Variants in GALNT13 observed in about 807,000 individuals in gnomAD.
GALNT13 encodes UDP-GalNAc:polypeptide N-acetylgalactosaminyltransferase 13.
In GALNT13, 28 loss-of-function variants were observed where a neutral mutation model predicts 64.2. The observed-to-expected ratio is 0.44, with a 90% CI of 0.32 to 0.60. The LOEUF is 0.60. Among genes scored for constraint, GALNT13 ranks in the 20% least tolerant of loss-of-function variants. GALNT13 has a pLI of 0.05. For synonymous variants in GALNT13, 214 were observed against 224.6 expected (o/e 0.95, Z 0.42); for missense variants, 577 against 669.8 (o/e 0.86, Z 1.53).
chr2:154,161,158 T>C (rs964194563), intron 4 of GALNT13, among the ~76,000 whole-genome samples: 20 of 152,176 alleles, frequency 1.3e-4, no homozygotes, highest in Admixed American at 3.3e-4. Flanking sequence ...GAAATATGCA[T>C]GCGATAAGGA....
At chr2:154,364,913 C>T (rs931566673) in intron 9 of GALNT13, among the ~76,000 whole-genome samples, 2 of 152,260 alleles carry the variant, frequency 1.3e-5, no homozygotes, top group Non-Finnish European at 2.9e-5. Context: ...TCAAGTGATT[C>T]GCCCGCCTCG....
At chr2:153,716,313 G>A in the GALNT13 span, among the ~76,000 whole-genome samples, 2 of 152,192 alleles carry the variant, frequency 1.3e-5, no homozygotes, top group Admixed American at 1.3e-4. Flanking sequence ...AAACAAATTT[G>A]TAAACTTTCT....
the GALNT13 span, among the ~76,000 whole-genome samples, chr2:153,070,728 G>C: frequency 6.6e-6 from 1 of 152,146 alleles, no homozygotes; most frequent in Non-Finnish European, 1.5e-5. Context: ...GCTCTTCTCT[G>C]CAACAGGCTT....
chr2:154,242,645 T>C, intron 5 of GALNT13, 53 bp from the exon 6 acceptor site: 1 of 1,206,590 alleles, frequency 8.3e-7, no homozygotes, highest in Non-Finnish European at 1.2e-6. Context: ...ATCTCTGCTA[T>C]TTCTTAAAAC....
chr2:153,956,963 T>C (rs1267601909), intron 3 of GALNT13, among the ~76,000 whole-genome samples: 1 of 152,174 alleles, frequency 6.6e-6, no homozygotes, highest in Non-Finnish European at 1.5e-5. Context: ...TTTAAAGCCA[T>C]TTTAACCATT....
chr2:153,858,699 A>C, the GALNT13 span, among the ~76,000 whole-genome samples: 1 of 151,910 alleles, frequency 6.6e-6, no homozygotes, highest in Non-Finnish European at 1.5e-5. Context: ...GTATAGAAAA[A>C]ACCTAGTTTA....
At chr2:153,811,757 C>T in the GALNT13 span, among the ~76,000 whole-genome samples, 1 of 152,072 alleles carries the variant, frequency 6.6e-6, no homozygotes, top group Non-Finnish European at 1.5e-5. Context: ...TTAATATATG[C>T]AGAATGATTC....
the GALNT13 span, among the ~76,000 whole-genome samples, chr2:153,617,351 T>C: frequency 2.6e-5 from 4 of 152,034 alleles, no homozygotes; most frequent in Non-Finnish European, 5.9e-5. Flanking sequence ...TCTGTTGATA[T>C]GATGTATTAC....
chr2:153,685,410 T>A, the GALNT13 span, among the ~76,000 whole-genome samples: 2 of 152,242 alleles, frequency 1.3e-5, no homozygotes, highest in East Asian at 3.9e-4. Context: ...ATTTCTCTAA[T>A]GATCAGTGAA....
intron 7 of GALNT13, among the ~76,000 whole-genome samples, chr2:154,250,469 G>A (rs1473894563): frequency 6.6e-6 from 1 of 151,826 alleles, no homozygotes; most frequent in East Asian, 1.9e-4. Context: ...TCAAGAGTTT[G>A]TTTGCACTTC....
chr2:154,005,512 C>T (rs1041904346), intron 3 of GALNT13, among the ~76,000 whole-genome samples: 2 of 152,038 alleles, frequency 1.3e-5, no homozygotes, highest in African/African-American at 4.8e-5. Context: ...GAATTTATGG[C>T]CCCAAACCAT....
At chr2:154,072,132 A>T (rs1700768530) in intron 3 of GALNT13, among the ~76,000 whole-genome samples, 1 of 152,148 alleles carries the variant, frequency 6.6e-6, no homozygotes, top group African/African-American at 2.4e-5. Context: ...AACATGGAAA[A>T]GTGGCTAAAT....
the GALNT13 span, among the ~76,000 whole-genome samples, chr2:153,238,216 A>T: frequency 1.3e-5 from 2 of 152,086 alleles, no homozygotes; most frequent in Non-Finnish European, 2.9e-5. Flanking sequence ...AGCTCCTTAT[A>T]TATTCTGACT....
At chr2:153,100,640 AATATTT>A in the GALNT13 span, among the ~76,000 whole-genome samples, 1 of 152,156 alleles carries the variant, frequency 6.6e-6, no homozygotes, top group African/African-American at 2.4e-5. Flanking sequence ...TTTGACCTTA[AATATTT>A]ATGTAAGTAT....
chr2:153,110,004 A>T, the GALNT13 span, among the ~76,000 whole-genome samples: 1 of 152,128 alleles, frequency 6.6e-6, no homozygotes, highest in South Asian at 2.1e-4. Context: ...GGTTAAATGT[A>T]CATCTGTTTT....
At chr2:153,932,630 T>C (rs1327554875) in intron 2 of GALNT13, among the ~76,000 whole-genome samples, 1 of 142,858 alleles carries the variant, frequency 7.0e-6, no homozygotes, top group African/African-American at 2.6e-5. Context: ...GTCTTTCTTT[T>C]TTTTTTTTTT....
intron 3 of GALNT13, among the ~76,000 whole-genome samples, chr2:153,995,181 A>G (rs1203652185): frequency 1.3e-5 from 2 of 152,088 alleles, no homozygotes; most frequent in Non-Finnish European, 2.9e-5. Context: ...TATATTAAAT[A>G]CTTTCCGTGT....
the GALNT13 span, among the ~76,000 whole-genome samples, chr2:153,667,385 G>A: frequency 6.6e-6 from 1 of 152,102 alleles, no homozygotes; most frequent in Admixed American, 6.5e-5. Flanking sequence ...AAAAGTGGCT[G>A]GTCACCTATA....
At chr2:154,037,030 A>G (rs1379284700) in intron 3 of GALNT13, among the ~76,000 whole-genome samples, 1 of 152,112 alleles carries the variant, frequency 6.6e-6, no homozygotes, top group African/African-American at 2.4e-5. Context: ...AGAAACAACC[A>G]TTTTCTTAAC....
Sources: allele counts gnomAD v4.1 joint callset (sites outside exome capture counted in the v4.1 genomes callset), GRCh38; gene constraint gnomAD v4.1.1; transcripts MANE v1.5; gene names NCBI Gene and HGNC (gene_info 2026-07-23, HGNC 2026-07-21).